DTNA: variants seen among roughly 807,000 people sequenced by gnomAD.
DTNA encodes dystrophin-related protein 3.
Under a neutral mutation model 100.7 loss-of-function variants are expected in DTNA, and 43 were observed. That is an observed-to-expected ratio of 0.43 (90% CI 0.33 to 0.55). DTNA has a LOEUF of 0.55. Ranked by LOEUF, DTNA falls within the 20% of genes least tolerant of loss-of-function variation. The pLI is 0.04. For synonymous variants in DTNA, 349 were observed against 347.9 expected, an observed-to-expected ratio of 1.00 and a Z score of -0.04; for missense variants, 798 against 953.9, an observed-to-expected ratio of 0.84 and a Z score of 2.15.
chr18:34,701,616 A>G (rs1010771240), intron 1 of DTNA, among the ~76,000 whole-genome samples: 4 of 152,138 alleles, frequency 2.6e-5, no homozygotes, highest in Admixed American at 1.3e-4. Context: ...AGCCTATGTG[A>G]CATCTCAAAT....
At chr18:34,674,610 C>G (rs568454201) in intron 1 of DTNA, among the ~76,000 whole-genome samples, 18 of 152,276 alleles carry the variant, frequency 1.2e-4, no homozygotes, top group Non-Finnish European at 2.5e-4. Flanking sequence ...AGGCTGATAA[C>G]TAATAATCTG....
chr18:34,858,280 C>A lies in DTNA; in HGVS notation c.1533-5C>A. 1 of 1,613,922 alleles carries A rather than the reference C, an allele frequency of 6.2e-7. No individual in the cohort carries two copies. Among genetic ancestry groups the A allele is most frequent in the Non-Finnish European group, 8.5e-7 (1 of 1,179,918 alleles). On this transcript the variant is annotated splice_region_variant and splice_polypyrimidine_tract_variant and intron_variant, in intron 15 of 22. Coordinates refer to ENST00000444659, the MANE Select transcript of DTNA (RefSeq NM_001386795.1). ...TGGTTTCTCACCTTCCTCCTCTCTC[C>A]CAAGAGAAATCTTACAGGAGATCCA...
chr18:34,812,432 G>T lies in DTNA; in HGVS notation c.603+319G>T, dbSNP rs116948042. Among the ~76,000 whole-genome samples the T allele has an allele frequency of 3.1e-4, 47 of 152,250 alleles. No individual in the cohort carries two copies. The East Asian group carries it at 9.1e-3, about 29-fold the overall frequency. On this transcript the variant is annotated intron_variant, in intron 6 of 22. Transcript: ENST00000444659. ...CTGCTATAAAGACATACCCGAGACT[G>T]GGTAATTTATAAAGAAAAGAGGTTT...
chr18:34,778,984 A>ATTTTTTT lies in DTNA; in HGVS notation c.148+12948_148+12954dup, dbSNP rs567464632. 3.9e-3 allele frequency among the ~76,000 whole-genome samples: 580 copies of ATTTTTTT among 147,426 alleles called. 4 individuals carry two copies. Among genetic ancestry groups the ATTTTTTT allele is most frequent in the African/African-American group, 0.013 (529 of 40,182 alleles). On this transcript the variant is annotated intron_variant, in intron 3 of 22. Coordinates refer to ENST00000444659, the MANE Select transcript of DTNA (RefSeq NM_001386795.1). ...AGGCGCCCGCCACCATGCCCAGCTA[A>ATTTTTTT]TTTTTTTTTTTGTATTTTTAATAGA... is the stretch of plus-strand genomic sequence containing the variant.
intron 13 of DTNA, among the ~76,000 whole-genome samples, chr18:34,846,841 G>A (rs1297844604): frequency 6.6e-6 from 1 of 152,128 alleles, no homozygotes; most frequent in Non-Finnish European, 1.5e-5. Flanking sequence ...ACATATAATA[G>A]TATGTTACTT....
At chr18:34,798,488 C>T (rs1434432369) in intron 4 of DTNA, among the ~76,000 whole-genome samples, 2 of 152,054 alleles carry the variant, frequency 1.3e-5, no homozygotes, top group African/African-American at 2.4e-5. Flanking sequence ...TCTATGTACT[C>T]CTCTCACCTT....
At chr18:34,505,764 A>G (rs1479855964) in intron 1 of DTNA, among the ~76,000 whole-genome samples, 2 of 152,040 alleles carry the variant, frequency 1.3e-5, no homozygotes, top group Admixed American at 6.5e-5. Flanking sequence ...TTCAATTGAA[A>G]TGTTTTTCTT....
intron 1 of DTNA, among the ~76,000 whole-genome samples, chr18:34,570,596 G>T (rs1350053930): frequency 2.0e-5 from 3 of 152,108 alleles, no homozygotes; most frequent in Admixed American, 2.0e-4. Flanking sequence ...TTATTCCAAA[G>T]ATTTTTTTAA....
chr18:34,766,013 G>A lies in DTNA; in HGVS notation c.120G>A (p.Lys40=). The A allele has an allele frequency of 1.2e-6, 2 of 1,613,772 alleles. No homozygotes were observed. Among genetic ancestry groups the A allele is most frequent in the Admixed American group, 1.7e-5 (1 of 59,998 alleles). The part of the protein sequence containing the change: ...IRLSTYRTAC[K]LRFVQKKCNL... The stretch of plus-strand genomic sequence containing the variant: ...TCTCCACCTACAGAACAGCATGCAA[G>A]CTTAGGTTTGTTCAGAAGAAATGCA... Residue 40 remains lysine (K), a synonymous_variant, in exon 3 of 23, where the codon AAG becomes AAA. Coordinates refer to ENST00000444659, the MANE Select transcript of DTNA (RefSeq NM_001386795.1).
intron 1 of DTNA, among the ~76,000 whole-genome samples, chr18:34,728,966 A>T (rs7230284): frequency 0.12 from 17,782 of 152,040 alleles, 1,537 homozygotes; most frequent in African/African-American, 0.24. Context: ...GTATTCTGAC[A>T]CCCGGGGTCC....
At chr18:34,782,169 G>A (rs1285966786) in intron 3 of DTNA, among the ~76,000 whole-genome samples, 1 of 152,206 alleles carries the variant, frequency 6.6e-6, no homozygotes, top group African/African-American at 2.4e-5. Flanking sequence ...CATTCACTTA[G>A]CATTATTGAG....
rs2094869399 is a variant in DTNA at position 34,794,146 on chromosome 18, C to G, written c.258C>G (p.Ser86=). The change falls in exon 4 of 23, where the codon TCC becomes TCG. Residue 86 remains serine, a synonymous_variant. Coordinates refer to ENST00000444659, the MANE Select transcript of DTNA (RefSeq NM_001386795.1). ...TGTCCCGCTTAGAGGCTGTGCTCTCCACTATTTTTTACCAGCTCAACAAAC... is the reference window on the plus strand; with the variant it reads ...TGTCCCGCTTAGAGGCTGTGCTCTCGACTATTTTTTACCAGCTCAACAAAC... ...LNVSRLEAVL[S]TIFYQLNKRM... is the part of the protein sequence containing the mutation. 6.2e-7 allele frequency: 1 copy of G among 1,614,024 alleles called. No homozygotes were observed. Among genetic ancestry groups the G allele is most frequent in the Middle Eastern group, 1.6e-4 (1 of 6,084 alleles).
intron 1 of DTNA, among the ~76,000 whole-genome samples, chr18:34,496,999 C>CT (rs1175082352): frequency 6.6e-6 from 1 of 152,158 alleles, no homozygotes; most frequent in Non-Finnish European, 1.5e-5. Context: ...GTTTACAAAA[C>CT]TATCAGTACT....
At chr18:34,846,742 C>A (rs2096386333) in intron 13 of DTNA, among the ~76,000 whole-genome samples, 1 of 152,040 alleles carries the variant, frequency 6.6e-6, no homozygotes, top group Non-Finnish European at 1.5e-5. Context: ...AGCCAAAATG[C>A]TGGAAGAACA....
intron 10 of DTNA, among the ~76,000 whole-genome samples, chr18:34,828,042 A>G (rs906884888): frequency 5.5e-4 from 84 of 152,320 alleles, no homozygotes; most frequent in African/African-American, 1.9e-3. Flanking sequence ...GTGTGTTACT[A>G]TATAAATGGT....
At chr18:34,887,474 G>GCACA (rs1418674362) in intron 22 of DTNA, among the ~76,000 whole-genome samples, 1 of 152,176 alleles carries the variant, frequency 6.6e-6, no homozygotes, top group African/African-American at 2.4e-5. Flanking sequence ...CCAAAAGACA[G>GCACA]CACAAATATT....
rs558502860 is a variant in DTNA, at chr18:34,673,648, A to G, written c.-1-82328A>G. Among the ~76,000 whole-genome samples the G allele has an allele frequency of 2.0e-5, 3 of 152,166 alleles. No homozygotes were observed. In the South Asian group the frequency reaches 6.2e-4, roughly 32 times the overall value. ...CTGAACTGATATTGACAGGCAGGCCATCATATTATTTCTTAAGTGTTCCTG... is the reference window on the plus strand; with the variant it reads ...CTGAACTGATATTGACAGGCAGGCCGTCATATTATTTCTTAAGTGTTCCTG... On this transcript the variant is annotated intron_variant, in intron 1 of 19. Transcript: ENST00000283365.
At chr18:34,883,653 T>C (rs1028534405) in intron 21 of DTNA, among the ~76,000 whole-genome samples, 2 of 152,050 alleles carry the variant, frequency 1.3e-5, no homozygotes, top group African/African-American at 4.8e-5. Context: ...CTTACTTTGT[T>C]ATTGAAAAAA....
At chr18:34,822,779 A>G (rs2095756896) in intron 9 of DTNA, among the ~76,000 whole-genome samples, 2 of 152,202 alleles carry the variant, frequency 1.3e-5, no homozygotes, top group Non-Finnish European at 2.9e-5. Context: ...ACTGAGGGCT[A>G]TAGCCTCACA....
Sources: allele counts gnomAD v4.1 joint callset (sites outside exome capture counted in the v4.1 genomes callset), GRCh38; gene constraint gnomAD v4.1.1; transcripts MANE v1.5; gene names NCBI Gene and HGNC (gene_info 2026-07-23, HGNC 2026-07-21).